Variants in ANK2 observed in about 807,000 individuals in gnomAD.
ANK2 encodes the protein ankyrin-2.
In ANK2, 83 loss-of-function variants were observed where a neutral mutation model predicts 360.5. That is an observed-to-expected ratio of 0.23 (90% CI 0.19 to 0.28). The LOEUF (loss-of-function observed/expected upper bound fraction) is 0.28. ANK2 is among the 10% of genes least tolerant of loss of function. ANK2 has a pLI of 1.00. For synonymous variants in ANK2, 1,740 were observed against 1,759.5 expected (o/e 0.99, Z 0.28); for missense variants, 4,201 against 4,795.7 (o/e 0.88, Z 3.66).
chr4:112,943,419 G>A (rs2094359793), intron 2 of ANK2, among the ~76,000 whole-genome samples: 1 of 151,800 alleles, frequency 6.6e-6, no homozygotes, highest in African/African-American at 2.4e-5. Context: ...TCTGAAGATT[G>A]AACAATTGCT....
chr4:113,020,794 C>T (rs1160138818), intron 2 of ANK2, among the ~76,000 whole-genome samples: 1 of 142,182 alleles, frequency 7.0e-6, no homozygotes, highest in Non-Finnish European at 1.5e-5. Context: ...CCACTGCATT[C>T]CAGCCTGGGC....
intron 1 of ANK2, among the ~76,000 whole-genome samples, chr4:113,098,637 CAATGTCTTCCAAAA>C (rs1419436816): frequency 6.6e-6 from 1 of 151,974 alleles, no homozygotes; most frequent in East Asian, 1.9e-4. Flanking sequence ...CAATTCTCTA[CAATGTCTTCCAAAA>C]AATGGAGACA....
intron 4 of ANK2, among the ~76,000 whole-genome samples, chr4:113,205,196 A>C (rs535428597): frequency 1.5e-5 from 2 of 135,516 alleles, no homozygotes; most frequent in Admixed American, 8.4e-5. Flanking sequence ...ACATCACGCC[A>C]CTGCACTCCA....
intron 1 of ANK2, among the ~76,000 whole-genome samples, chr4:113,081,097 C>G (rs1175839548): frequency 6.6e-6 from 1 of 152,104 alleles, no homozygotes; most frequent in Non-Finnish European, 1.5e-5. Context: ...AGAAATCGAT[C>G]ATTTTGTATA....
intron 1 of ANK2, among the ~76,000 whole-genome samples, chr4:112,824,508 ATTTT>A (rs35575987): frequency 2.8e-5 from 4 of 142,056 alleles, no homozygotes; most frequent in African/African-American, 5.2e-5. Context: ...CACCTTTAGC[ATTTT>A]TTTTTTTTTT....
At chr4:112,873,037 T>G (rs2073806275) in intron 1 of ANK2, among the ~76,000 whole-genome samples, 1 of 152,148 alleles carries the variant, frequency 6.6e-6, no homozygotes, top group Non-Finnish European at 1.5e-5. Context: ...TATAATCCAT[T>G]TTTATGCCTT....
chr4:113,208,708 G>A (rs1004627000), intron 4 of ANK2, among the ~76,000 whole-genome samples: 2 of 151,662 alleles, frequency 1.3e-5, no homozygotes, highest in African/African-American at 4.9e-5. Context: ...TTGCTATCTC[G>A]CCCAGACTGG....
At chr4:112,758,306 T>C in the ANK2 span, among the ~76,000 whole-genome samples, 1 of 152,202 alleles carries the variant, frequency 6.6e-6, no homozygotes, top group Non-Finnish European at 1.5e-5. Context: ...TTGTAAAATT[T>C]ATTCATTTAA....
chr4:112,873,735 G>A lies in ANK2; in HGVS notation c.-39-30720G>A, dbSNP rs368046791. On this transcript the variant is annotated intron_variant, in intron 1 of 30. Coordinates refer to the ANK2 transcript ENST00000503271. Reference sequence around the variant, plus strand: ...TTTTTTTTGTATTTTTGGTAGAGACGGGGTTTCACCGTGTTAGCCAGGATG... The same window carrying A: ...TTTTTTTTGTATTTTTGGTAGAGACAGGGTTTCACCGTGTTAGCCAGGATG... 8.0e-5 allele frequency among the ~76,000 whole-genome samples: 12 copies of A among 150,636 alleles called. No individual in the cohort carries two copies. The East Asian group carries it at 2.4e-3, about 30-fold the overall frequency.
chr4:112,798,223 A>G, the ANK2 span: 1 of 152,512 alleles, frequency 6.6e-6, no homozygotes, highest in Non-Finnish European at 1.5e-5. Flanking sequence ...CAAACTTGAT[A>G]GTAATATTTC....
chr4:112,769,942 A>G, the ANK2 span, among the ~76,000 whole-genome samples: 1 of 152,158 alleles, frequency 6.6e-6, no homozygotes, highest in African/African-American at 2.4e-5. Flanking sequence ...AATTTATACC[A>G]CTGGCTTTCC....
the ANK2 span, among the ~76,000 whole-genome samples, chr4:112,800,153 C>T: frequency 4.0e-3 from 608 of 152,272 alleles, 7 homozygotes; most frequent in African/African-American, 0.014. Flanking sequence ...CGACAAATGT[C>T]GTTCCTTCTC....
the ANK2 span, chr4:112,739,066 C>T: frequency 1.8e-6 from 1 of 560,848 alleles, no homozygotes; most frequent in South Asian, 1.5e-5. Flanking sequence ...ATCAGAGTCA[C>T]CAACCCCAAT....
At chr4:113,079,307 T>C (rs746139506) in intron 1 of ANK2, among the ~76,000 whole-genome samples, 3 of 152,198 alleles carry the variant, frequency 2.0e-5, no homozygotes, top group Admixed American at 1.3e-4. Context: ...AACTTGAGAT[T>C]CTAACCTACA....
chr4:113,246,057 A>G (rs1430268965), intron 9 of ANK2, among the ~76,000 whole-genome samples: 2 of 152,170 alleles, frequency 1.3e-5, no homozygotes, highest in Non-Finnish European at 2.9e-5. Context: ...TGGCCTCCCA[A>G]AGTGCTGGGA....
At chr4:113,170,061 G>A (rs754293588) in intron 1 of ANK2, among the ~76,000 whole-genome samples, 2 of 152,230 alleles carry the variant, frequency 1.3e-5, no homozygotes, top group East Asian at 3.9e-4. Context: ...TTAAGGTGTT[G>A]TTTCCTACTT....
intron 2 of ANK2, among the ~76,000 whole-genome samples, chr4:113,028,714 T>C (rs1054120017): frequency 2.5e-4 from 38 of 152,156 alleles, no homozygotes; most frequent in African/African-American, 7.7e-4. Context: ...ATAACATGTT[T>C]GCTTTGAAGC....
the ANK2 span, among the ~76,000 whole-genome samples, chr4:112,713,389 G>A: frequency 1.4e-4 from 22 of 152,286 alleles, no homozygotes; most frequent in South Asian, 4.4e-3. Context: ...GACCAACATG[G>A]AGAAACCCTG....
rs1421476490 is a variant in ANK2, at chr4:113,242,198, G to A, written c.880G>A (p.Ala294Thr). Residue 294 changes from alanine (A) to threonine (T), a missense_variant, in exon 9 of 46, where the codon GCC (alanine) becomes ACC (threonine). Transcript: ENST00000357077. ...LLLDRGGQID[A>T]KTRDGLTPLH... is the part of the protein sequence containing the mutation. ...ACTGGATCGAGGCGGTCAGATCGATGCCAAAACTAGGGTGAGTGTCTCTGT... is the reference window on the plus strand; with the variant it reads ...ACTGGATCGAGGCGGTCAGATCGATACCAAAACTAGGGTGAGTGTCTCTGT... 3.7e-6 allele frequency: 6 copies of A among 1,613,466 alleles called. No homozygotes were observed. The highest frequency in any genetic ancestry group is 1.7e-5 in the Admixed American group (1 of 59,994).
Sources: allele counts gnomAD v4.1 joint callset (sites outside exome capture counted in the v4.1 genomes callset), GRCh38; gene constraint gnomAD v4.1.1; transcripts MANE v1.5; gene names NCBI Gene and HGNC (gene_info 2026-07-23, HGNC 2026-07-21).